Variants in PHC1 observed in about 807,000 individuals in gnomAD.
The protein encoded by PHC1 is polyhomeotic-like protein 1.
PHC1 carries 12 observed loss-of-function variants against 104.3 expected under a neutral mutation model. The observed-to-expected ratio is 0.12, with a 90% CI of 0.07 to 0.19. The LOEUF (loss-of-function observed/expected upper bound fraction) is 0.19, where lower values mean the gene tolerates loss of function less well. Among genes scored for constraint, PHC1 ranks in the 10% least tolerant of loss-of-function variants. PHC1 has a pLI of 1.00. For synonymous variants in PHC1, 302 were observed against 455.8 expected (o/e 0.66, Z 4.30); for missense variants, 671 against 1,200.0 (o/e 0.56, Z 6.51).
At chr12:8,923,703 G>A (rs1945429995) in intron 6 of PHC1, among the ~76,000 whole-genome samples, 1 of 151,898 alleles carries the variant, frequency 6.6e-6, no homozygotes, top group African/African-American at 2.4e-5. Flanking sequence ...GGTGGTGGGT[G>A]CTTGTAGTCC....
rs1383158556 is a variant in PHC1 at position 8,934,339 on chromosome 12, C to G, written c.2114C>G (p.Pro705Arg). ...GAACTAGTAGCCTTGACCCCCGCCCCTTCAGTACCGCCTCCTACACTAGCC... is the reference window on the plus strand; with the variant it reads ...GAACTAGTAGCCTTGACCCCCGCCCGTTCAGTACCGCCTCCTACACTAGCC... ...SSELVALTPA[P>R]SVPPPTLAMV... The change falls in exon 10 of 15, where the codon CCT becomes CGT. Residue 705 changes from proline (P) to arginine (R), a missense_variant. Physicochemically the swap from Pro to Arg is moderately radical, Grantham distance 103. This residue lies in a region of PHC1 where 29 missense variants were observed against 78.0 expected (regional missense o/e 0.37). Coordinates refer to ENST00000544916, the MANE Select transcript of PHC1 (RefSeq NM_004426.3). 6.8e-6 allele frequency: 11 copies of G among 1,614,134 alleles called. No homozygotes were observed. The highest frequency in any genetic ancestry group is 9.3e-6 in the Non-Finnish European group (11 of 1,179,992).
chr12:8,934,223 T>C, intron 9 of PHC1, 44 bp from the exon 10 acceptor site: 2 of 1,480,582 alleles, frequency 1.4e-6, no homozygotes, highest in Non-Finnish European at 1.9e-6. Flanking sequence ...GATGGATCAA[T>C]ATGTCATCTC....
At chr12:8,914,337 C>T (rs1012650420), upstream of PHC1, among the ~76,000 whole-genome samples, 1 of 151,932 alleles carries the variant, frequency 6.6e-6, no homozygotes, top group Non-Finnish European at 1.5e-5. Flanking sequence ...AGGAAAAAAC[C>T]CCTGGGCCTG....
At chr12:8,937,003 ATC>A in intron 12 of PHC1, 39 bp downstream of exon 12, 1 of 1,443,790 alleles carries the variant, frequency 6.9e-7, no homozygotes, top group South Asian at 1.2e-5. Flanking sequence ...CAGCACTGGT[ATC>A]TCCATCTAAT....
rs79702406 is a variant in PHC1, at chr12:8,926,491, A to G, written c.612+3703A>G. Among the ~76,000 whole-genome samples the G allele has an allele frequency of 2.6e-3, 401 of 152,206 alleles. 3 individuals are homozygous for G. The highest frequency in any genetic ancestry group is 8.5e-3 in the African/African-American group (354 of 41,528). On this transcript the variant is annotated intron_variant, in intron 6 of 14. Coordinates refer to ENST00000544916, the MANE Select transcript of PHC1 (RefSeq NM_004426.3). ...AAAAATTAGCCGGGTGTGGTGGTGC[A>G]TGCCCATAGCCCCAGTTAACTTGGG...
chr12:8,928,651 G>A (rs767244060), intron 6 of PHC1, among the ~76,000 whole-genome samples: 1 of 152,236 alleles, frequency 6.6e-6, no homozygotes, highest in South Asian at 2.1e-4. Flanking sequence ...ATGAATTCCT[G>A]TGTACTTACC....
intron 6 of PHC1, among the ~76,000 whole-genome samples, chr12:8,925,479 A>C (rs1441292755): frequency 6.6e-6 from 1 of 152,186 alleles, no homozygotes; most frequent in Non-Finnish European, 1.5e-5. Context: ...AAAGGGACCT[A>C]ACTTAGCTTT....
Position 8,933,303 on chromosome 12 carries a change from G to T in PHC1, c.1846G>T (p.Val616Leu). 6.7e-7 allele frequency: 1 copy of T among 1,491,564 alleles called. No homozygotes were observed. The highest frequency in any genetic ancestry group is 2.4e-5 in the East Asian group (1 of 41,846). The allele number at this position is 1,491,564 out of a possible 1,614,324, so 92.4% of individuals were successfully genotyped here. Residue 616 changes from valine to leucine, a missense_variant, in exon 8 of 15, where the codon GTA becomes TTA. Transcript: ENST00000544916. ...KGGATTSSPV[V>L]AQVPAAFYMQ... is the part of the protein sequence containing the mutation. ...TGGGGCTACCACCTCCTCACCTGTT[G>T]TAGCCCAGGTCCCTGCTGCCTTCTA...
intron 6 of PHC1, among the ~76,000 whole-genome samples, chr12:8,923,130 T>C (rs1268720905): frequency 6.6e-6 from 1 of 152,200 alleles, no homozygotes. Context: ...GAGAAGAGAT[T>C]GTTGAGAGAA....
rs187183538 is a variant in PHC1 at position 8,923,600 on chromosome 12, G to A, written c.612+812G>A. 6.4e-3 allele frequency among the ~76,000 whole-genome samples: 967 copies of A among 152,044 alleles called. 9 individuals carry two copies. The highest frequency in any genetic ancestry group is 0.021 in the African/African-American group (884 of 41,496). On this transcript the variant is annotated intron_variant, in intron 6 of 14. Transcript: ENST00000544916. ...TCCCAGCACTTTGGGAGGCCGAGGC[G>A]GGTGGATCACGAGGTCAGGAGATCG...
At chr12:8,934,962 C>G (rs963096272) in intron 10 of PHC1, among the ~76,000 whole-genome samples, 162 bp from the exon 11 acceptor site, 3 of 151,866 alleles carry the variant, frequency 2.0e-5, no homozygotes, top group Non-Finnish European at 4.4e-5. Context: ...AGACCAGTTA[C>G]TACTCTTGAT....
rs1390606338 is a variant in PHC1 at position 8,930,351 on chromosome 12, A to G, written c.613-84A>G. 5 of 1,537,552 alleles carry G rather than the reference A, an allele frequency of 3.3e-6. No homozygotes were observed. In the South Asian group the frequency reaches 4.9e-5, roughly 15 times the overall value. On this transcript the variant is annotated intron_variant, in intron 6 of 14. Coordinates refer to ENST00000544916, the MANE Select transcript of PHC1 (RefSeq NM_004426.3). Reference sequence around the variant, plus strand: ...TGAGGTATTCTGTGGAATACGACACAATAGCAGTCCTGGCTGCTTTTGAAT... The same window carrying G: ...TGAGGTATTCTGTGGAATACGACACGATAGCAGTCCTGGCTGCTTTTGAAT...
rs767222748 is a variant in PHC1 at position 8,919,618 on chromosome 12, G to C, written c.115-138G>C. The C allele has an allele frequency of 3.7e-6, 3 of 811,492 alleles. No individual in the cohort carries two copies. Among genetic ancestry groups the C allele is most frequent in the Admixed American group, 2.7e-5 (1 of 36,828 alleles). The allele number at this position is 811,492 out of a possible 1,614,324, so 50.3% of individuals were successfully genotyped here. ...CTAAAAAAATGAAGGAAAATCAGCC[G>C]TTGACGATTTAGCCCAAACTCCCAT... On this transcript the variant is annotated intron_variant, in intron 2 of 14. Transcript: ENST00000544916. The surrounding 1 kb of genome is among the most constrained non-coding windows in gnomAD (Gnocchi z 4.9).
intron 13 of PHC1, 101 bp from the exon 14 acceptor site, chr12:8,937,728 A>G: frequency 1.3e-6 from 1 of 793,780 alleles, no homozygotes; most frequent in South Asian, 1.7e-5. Context: ...ATATGATAAG[A>G]TGAGTTTTTC....
At position 8,915,586 on chromosome 12, in the gene PHC1, C is replaced by T. The variant is rs138539046; in HGVS notation, c.-49+759C>T. Among the ~76,000 whole-genome samples, 41 of 152,260 alleles carry T rather than the reference C, an allele frequency of 2.7e-4. 1 individual carries two copies. The highest frequency in any genetic ancestry group is 9.6e-4 in the African/African-American group (40 of 41,542). ...CCCACATGCTACCTTTTAAGATGAC[C>T]ATGGCTTAGCTACTCTGGGGGCATC... On this transcript the variant is annotated intron_variant, in intron 1 of 14. Coordinates refer to ENST00000544916, the MANE Select transcript of PHC1 (RefSeq NM_004426.3).
At position 8,919,703 on chromosome 12, in the gene PHC1, G is replaced by T; in HGVS notation, c.115-53G>T. 1 of 1,533,974 alleles carries T rather than the reference G, an allele frequency of 6.5e-7. No homozygotes were observed. The highest frequency in any genetic ancestry group is 1.2e-5 in the South Asian group (1 of 85,310). On this transcript the variant is annotated intron_variant, in intron 2 of 14. Transcript: ENST00000544916. The surrounding 1 kb of genome is among the most constrained non-coding windows in gnomAD (Gnocchi z 4.9). ...TCACACAAATACAGTGATTTACATA[G>T]AATAGGAGCTAGGAGTGGTCCATTC...
At chr12:8,924,322 C>G (rs951308497) in intron 6 of PHC1, among the ~76,000 whole-genome samples, 12 of 151,852 alleles carry the variant, frequency 7.9e-5, no homozygotes, top group African/African-American at 2.4e-4. Context: ...ACTAAAAATA[C>G]AAAAATTAGC....
intron 6 of PHC1, among the ~76,000 whole-genome samples, chr12:8,928,208 A>T (rs771606939): frequency 6.6e-6 from 1 of 151,970 alleles, no homozygotes; most frequent in Non-Finnish European, 1.5e-5. Context: ...GCACCGGCCT[A>T]TTGTACTAGA....
In PHC1 at chr12:8,937,266, T is replaced by C. The variant is rs140515423; in HGVS notation, c.2568T>C (p.Arg856=). The change falls in exon 13 of 15, where the codon CGT becomes CGC. Residue 856 remains arginine, a synonymous_variant. Transcript: ENST00000544916. ...CCAACTATGCTCGCGTTCGCAGGCG[T>C]GGACCCCGCCGCAGCTCCTCTGACA... ...QEANYARVRR[R]GPRRSSSDIA... The C allele has an allele frequency of 1.9e-6, 3 of 1,612,600 alleles. No individual in the cohort carries two copies. The highest frequency in any genetic ancestry group is 1.7e-4 in the Middle Eastern group (1 of 6,054).
Sources: allele counts gnomAD v4.1 joint callset (sites outside exome capture counted in the v4.1 genomes callset), GRCh38; gene constraint gnomAD v4.1.1; regional missense constraint gnomAD v4.1.1; non-coding constraint Gnocchi (gnomAD v3.1); transcripts MANE v1.5; gene names NCBI Gene and HGNC (gene_info 2026-07-23, HGNC 2026-07-21).